NRK: variants seen among roughly 807,000 people sequenced by gnomAD.
NRK encodes the protein Nik related kinase.
A neutral mutation model predicts 125.2 loss-of-function variants in NRK; 67 were observed. The ratio of observed to expected loss-of-function variants is 0.54; its 90% CI spans 0.44 to 0.66. The LOEUF is 0.66. NRK is among the 30% of genes least tolerant of loss of function. The pLI is 0.00. For missense variants in NRK, 1,224 were observed against 1,192.9 expected (o/e 1.03, Z -0.38); for synonymous variants, 458 against 429.0 (o/e 1.07, Z -0.84).
At position 105,822,765 on chromosome X, in the gene NRK, CT is replaced by C. The variant is rs2039038188; in HGVS notation, c.-79del. ...CGCCCTCCTCCTTCCTCTCTCCTCCCTTCAACTCTTCATCCGCTTCCACCTC... is the reference window on the plus strand; with the variant it reads ...CGCCCTCCTCCTTCCTCTCTCCTCCCTCAACTCTTCATCCGCTTCCACCTC... On this transcript the variant is annotated 5_prime_UTR_variant, in exon 1 of 29. Coordinates refer to ENST00000243300, the MANE Select transcript of NRK (RefSeq NM_198465.4). 1 of 935,592 alleles carries C rather than the reference CT, an allele frequency of 1.1e-6. No homozygotes were observed. 77.1% of individuals were successfully genotyped at this position (935,592 alleles called of 1,213,427 possible).
intron 5 of NRK, among the ~76,000 whole-genome samples, chrX:105,891,209 C>T (rs776099038): frequency 9.0e-6 from 1 of 111,498 alleles, no homozygotes; most frequent in South Asian, 3.7e-4. Context: ...CCTGGTGTAT[C>T]ACAAATTCTA....
At chrX:105,927,273 T>C (rs1369687053) in intron 19 of NRK, among the ~76,000 whole-genome samples, 1 of 111,567 alleles carries the variant, frequency 9.0e-6, no homozygotes, top group East Asian at 2.8e-4. Context: ...GATTTCTTTC[T>C]CAGCTAGGTT....
intron 9 of NRK, among the ~76,000 whole-genome samples, chrX:105,903,955 A>G (rs760937537): frequency 3.4e-4 from 38 of 112,285 alleles, no homozygotes; most frequent in Non-Finnish European, 5.6e-4. Context: ...GCCTTCAGTT[A>G]TAAAAATGCA....
chrX:105,919,878 G>A (rs2040415793), intron 16 of NRK, among the ~76,000 whole-genome samples: 1 of 109,859 alleles, frequency 9.1e-6, no homozygotes, highest in African/African-American at 3.3e-5. Context: ...CTTTTGCTGT[G>A]CAGAAGCTCT....
intron 4 of NRK, among the ~76,000 whole-genome samples, chrX:105,888,009 C>T (rs1256726101): frequency 8.9e-6 from 1 of 112,169 alleles, no homozygotes; most frequent in Non-Finnish European, 1.9e-5. Context: ...ATAATGACTC[C>T]ACTCAGTGAA....
rs757078853 is a variant in NRK at position 105,908,757 on chromosome X, A to G, written c.1116A>G (p.Arg372=). ...RGPSCTHELL[R]LPTSSRCRPL... is the part of the protein sequence containing the mutation. ...CCTCTTGCACTCACGAGCTTCTGAG[A>G]TTGCCAACCAGCAGCAGATGCAGAC... The change falls in exon 13 of 29, where the codon AGA becomes AGG. Residue 372 remains arginine (R), a synonymous_variant. Transcript: ENST00000243300. The G allele has an allele frequency of 1.7e-6, 2 of 1,203,147 alleles. No individual in the cohort carries two copies. Among genetic ancestry groups the G allele is most frequent in the East Asian group, 3.0e-5 (1 of 33,624 alleles).
chrX:105,929,040 A>G (rs899486725), intron 19 of NRK, among the ~76,000 whole-genome samples: 11 of 111,187 alleles, frequency 9.9e-5, no homozygotes, highest in South Asian at 3.7e-4. Flanking sequence ...TTCTTTGTTG[A>G]TTTTCTGTGT....
At chrX:105,862,148 T>C (rs369572439) in intron 2 of NRK, among the ~76,000 whole-genome samples, 19 of 112,145 alleles carry the variant, frequency 1.7e-4, no homozygotes, top group African/African-American at 4.2e-4. Flanking sequence ...GGTGATAAGA[T>C]ACAAATTGTG....
intron 28 of NRK, among the ~76,000 whole-genome samples, chrX:105,954,136 A>T (rs986627411): frequency 7.2e-5 from 8 of 111,771 alleles, no homozygotes; most frequent in Non-Finnish European, 1.1e-4. Context: ...TGTGACAACT[A>T]GTCATATCTG....
In NRK at chrX:105,836,682, T is replaced by A. The variant is rs781377856; in HGVS notation, c.123+5563T>A. Among the ~76,000 whole-genome samples, 3 of 112,261 alleles carry A rather than the reference T, an allele frequency of 2.7e-5. No individual in the cohort carries two copies. The East Asian group carries it at 8.4e-4, about 32-fold the overall frequency. ...CATAGACAAACATGTAGATATACAT[T>A]GCAGAAGAAAAGTAGCATATTGTGG... On this transcript the variant is annotated intron_variant, in intron 2 of 28. Coordinates refer to ENST00000243300, the MANE Select transcript of NRK (RefSeq NM_198465.4).
chrX:105,916,687 A>G (rs940957600), intron 15 of NRK, among the ~76,000 whole-genome samples: 2 of 111,782 alleles, frequency 1.8e-5, no homozygotes, highest in Non-Finnish European at 3.8e-5. Context: ...TCTGCACTCA[A>G]TGAATGGATT....
At position 105,830,109 on chromosome X, in the gene NRK, T is replaced by C. The variant is rs1602588523; in HGVS notation, c.58-945T>C. On this transcript the variant is annotated intron_variant, in intron 1 of 28. Transcript: ENST00000243300. ...CTGTAATCCCAGCACTTTGGAAAGC[T>C]GAGGCGGGTGGATCACGAGGTCAGG... Among the ~76,000 whole-genome samples, 3 of 108,292 alleles carry C rather than the reference T, an allele frequency of 2.8e-5. 1 individual carries two copies. The allele number at this position is 108,292 out of a possible 115,157, so 94.0% of individuals were successfully genotyped here.
At chrX:105,836,124 T>C (rs2039262227) in intron 2 of NRK, among the ~76,000 whole-genome samples, 1 of 111,954 alleles carries the variant, frequency 8.9e-6, no homozygotes, top group Non-Finnish European at 1.9e-5. Context: ...CTCAGCCTAG[T>C]TGGTTGCCTT....
At chrX:105,952,154 T>G (rs1293497753) in intron 27 of NRK, among the ~76,000 whole-genome samples, 1 of 112,440 alleles carries the variant, frequency 8.9e-6, no homozygotes, top group Non-Finnish European at 1.9e-5. Context: ...ATTTTAATCA[T>G]GTTAATATGA....
chrX:105,896,234 A>T (rs1478414399), intron 7 of NRK, among the ~76,000 whole-genome samples: 2 of 112,024 alleles, frequency 1.8e-5, no homozygotes, highest in Admixed American at 9.5e-5. Context: ...ATACCATAAA[A>T]ATCATGTCAG....
chrX:105,836,315 T>C (rs890191689), intron 2 of NRK, among the ~76,000 whole-genome samples: 11 of 112,044 alleles, frequency 9.8e-5, no homozygotes, highest in Admixed American at 3.8e-4. Flanking sequence ...GATCCTCCTG[T>C]ACACATTTAT....
intron 10 of NRK, 133 bp from the exon 11 acceptor site, chrX:105,906,281 A>T: frequency 2.9e-6 from 1 of 346,121 alleles, no homozygotes; most frequent in Non-Finnish European, 5.2e-6. Flanking sequence ...GATATTTGGC[A>T]ATTGAGAAGA....
intron 2 of NRK, among the ~76,000 whole-genome samples, chrX:105,834,517 T>C (rs1255567744): frequency 9.1e-6 from 1 of 110,496 alleles, no homozygotes; most frequent in Admixed American, 9.7e-5. Context: ...TCTTTGGGGT[T>C]CTCTTAGCTT....
rs374447699 is a variant in NRK, at chrX:105,934,292, T to C, written c.3347T>C (p.Ile1116Thr). ...GGTGGAAATGAGGCCTCAAATGCCATTGACTCAGGTGCTGCACCGTCAGCA... is the reference window on the plus strand; with the variant it reads ...GGTGGAAATGAGGCCTCAAATGCCACTGACTCAGGTGCTGCACCGTCAGCA... ...PGGGNEASNA[I>T]DSGAAPSAPD... Residue 1116 changes from isoleucine (I) to threonine (T), a missense_variant, in exon 20 of 29, where the codon ATT becomes ACT. Transcript: ENST00000243300. 8.5e-7 allele frequency: 1 copy of C among 1,177,321 alleles called. No homozygotes were observed. The highest frequency in any genetic ancestry group is 1.1e-6 in the Non-Finnish European group (1 of 879,336).
Sources: allele counts gnomAD v4.1 joint callset (sites outside exome capture counted in the v4.1 genomes callset), GRCh38; gene constraint gnomAD v4.1.1; transcripts MANE v1.5; gene names NCBI Gene and HGNC (gene_info 2026-07-23, HGNC 2026-07-21).